The following NOD1 variants were observed in gnomAD, a reference collection of about 807,000 sequenced individuals.
NOD1 encodes nucleotide-binding oligomerization domain-containing protein 1.
In NOD1, 70 loss-of-function variants were observed where a neutral mutation model predicts 81.2. The ratio of observed to expected loss-of-function variants is 0.86; its 90% CI spans 0.71 to 1.05. The LOEUF (loss-of-function observed/expected upper bound fraction) is 1.05. Ranked by LOEUF, NOD1 falls within the 50% of genes least tolerant of loss-of-function variation. NOD1 has a pLI of 0.00. For missense variants in NOD1, 1,233 were observed against 1,228.0 expected (o/e 1.00, Z -0.06); for synonymous variants, 508 against 526.9 (o/e 0.96, Z 0.49).
At chr7:30,439,234 A>C (rs1202176605) in intron 9 of NOD1, among the ~76,000 whole-genome samples, 5 of 151,154 alleles carry the variant, frequency 3.3e-5, no homozygotes, top group African/African-American at 1.2e-4. Context: ...TATATACCCA[A>C]AAGAATTGGA....
At chr7:30,477,363 C>G (rs1246842838) in intron 1 of NOD1, among the ~76,000 whole-genome samples, 1 of 152,232 alleles carries the variant, frequency 6.6e-6, no homozygotes, top group Non-Finnish European at 1.5e-5. Flanking sequence ...TGGGTGAGAA[C>G]AGGGAATCCA....
intron 11 of NOD1, 150 bp downstream of exon 11, chr7:30,435,848 C>T: frequency 3.2e-6 from 2 of 626,058 alleles, no homozygotes; most frequent in East Asian, 5.5e-5. Flanking sequence ...AGTCTCAGGA[C>T]TCGGAAGGCC....
intron 1 of NOD1, among the ~76,000 whole-genome samples, chr7:30,471,104 C>T (rs1028547369): frequency 1.3e-5 from 2 of 148,668 alleles, no homozygotes; most frequent in Admixed American, 6.6e-5. Context: ...TAGCTGAAGA[C>T]GTTTATTAAC....
At chr7:30,475,661 G>A (rs1423171002) in intron 1 of NOD1, among the ~76,000 whole-genome samples, 1 of 152,244 alleles carries the variant, frequency 6.6e-6, no homozygotes. Context: ...GGATGGCGAA[G>A]AGAAGGGCCG....
chr7:30,436,343 C>T (rs1447137075), intron 10 of NOD1, among the ~76,000 whole-genome samples: 1 of 152,216 alleles, frequency 6.6e-6, no homozygotes, highest in Non-Finnish European at 1.5e-5. Flanking sequence ...CTGGGGTCGG[C>T]ACCTCAGGTT....
At position 30,452,824 on chromosome 7, in the gene NOD1, A is replaced by G; in HGVS notation, c.593T>C (p.Ile198Thr). The G allele has an allele frequency of 3.7e-6, 6 of 1,614,046 alleles. No individual in the cohort carries two copies. The highest frequency in any genetic ancestry group is 5.1e-6 in the Non-Finnish European group (6 of 1,179,928). ...TGILNEQGET[I>T]FILGDAGVGK... The stretch of plus-strand genomic sequence containing the variant: ...CACCCCAGCATCACCCAGGATGAAG[A>G]TGGTCTCACCCTGCTCATTGAGGAT... Residue 198 changes from isoleucine (I) to threonine (T), a missense_variant, in exon 6 of 14, where the codon ATC (isoleucine) becomes ACC (threonine). Physicochemically the swap from Ile to Thr is moderately conservative, Grantham distance 89 (BLOSUM62 -1). Transcript: ENST00000222823.
intron 11 of NOD1, among the ~76,000 whole-genome samples, chr7:30,433,599 GC>G (rs1784137119): frequency 6.6e-6 from 1 of 152,164 alleles, no homozygotes. Context: ...GTCACTGACT[GC>G]ACATTAAAAT....
chr7:30,473,140 T>A (rs139805377), intron 1 of NOD1, among the ~76,000 whole-genome samples: 1 of 152,246 alleles, frequency 6.6e-6, no homozygotes, highest in African/African-American at 2.4e-5. Flanking sequence ...TACCTCATTA[T>A]CAGGAATGCT....
At position 30,451,693 on chromosome 7, in the gene NOD1, C is replaced by A; in HGVS notation, c.1724G>T (p.Arg575Leu). The A allele has an allele frequency of 1.2e-6, 2 of 1,613,878 alleles. No homozygotes were observed. Among genetic ancestry groups the A allele is most frequent in the Non-Finnish European group, 1.7e-6 (2 of 1,180,016 alleles). Residue 575 changes from arginine to leucine, a missense_variant, in exon 6 of 14, where the codon CGG becomes CTG. Transcript: ENST00000222823. This position sits in a 1 kb window ranked among gnomAD's most constrained non-coding sequence, Gnocchi z 4.2. ...ATCCTTGTTCTTGAAGAGGTCTTCC[C>A]GCGCCGGACCACTGCCCTGCAGGCA... ...FQCLQGSGPAREDLFKNKDHF... is the reference protein window; with the variant it reads ...FQCLQGSGPALEDLFKNKDHF...
intron 11 of NOD1, among the ~76,000 whole-genome samples, chr7:30,435,717 G>C (rs1784322961): frequency 6.6e-6 from 1 of 152,142 alleles, no homozygotes; most frequent in Non-Finnish European, 1.5e-5. Flanking sequence ...CCAGGGCTTT[G>C]AGAAGCCAGG....
At chr7:30,446,482 C>G (rs1398017289) in intron 8 of NOD1, 2 of 510,300 alleles carry the variant, frequency 3.9e-6, no homozygotes, top group Non-Finnish European at 7.1e-6. Context: ...CCCTGGGGTC[C>G]TCTAATTGAC....
In NOD1 at chr7:30,424,561, C is replaced by G. The variant is rs1473333148; in HGVS notation, c.*1077G>C. 6.6e-6 allele frequency: 1 copy of G among 152,132 alleles called. No homozygotes were observed. Among genetic ancestry groups the G allele is most frequent in the Non-Finnish European group, 1.5e-5 (1 of 68,032 alleles). The allele number at this position is 152,132 out of a possible 1,614,324, so 9.4% of individuals were successfully genotyped here. A position where few individuals can be genotyped will look rare whatever the true frequency, so the allele number is the denominator to read the frequency against. On this transcript the variant is annotated 3_prime_UTR_variant, in exon 14 of 14. Coordinates refer to ENST00000222823, the MANE Select transcript of NOD1 (RefSeq NM_006092.4). ...TTTCAGTATTTTATTAACAAATGAG[C>G]TGGCAAGAGGACAAGTGATCTAGTA...
intron 3 of NOD1, among the ~76,000 whole-genome samples, chr7:30,457,632 G>GA (rs1786521781): frequency 6.6e-6 from 1 of 152,140 alleles, no homozygotes; most frequent in Non-Finnish European, 1.5e-5. Context: ...CTGGGATAGA[G>GA]ATGGAAAGGT....
chr7:30,426,541 T>C (rs751689690), intron 13 of NOD1, among the ~76,000 whole-genome samples: 24 of 152,066 alleles, frequency 1.6e-4, no homozygotes, highest in Non-Finnish European at 1.0e-4. Context: ...ACTCTGGCCT[T>C]CTCCAATTCA....
intron 11 of NOD1, among the ~76,000 whole-genome samples, chr7:30,434,687 C>G (rs182393191): frequency 6.6e-6 from 1 of 152,316 alleles, no homozygotes; most frequent in Non-Finnish European, 1.5e-5. Flanking sequence ...GAGGTACTTT[C>G]ATGTCCTCCT....
rs769545306 is a variant in NOD1 at position 30,451,275 on chromosome 7, ATTG to A, written c.2139_2141del (p.Asn714del). On this transcript the variant is annotated inframe_deletion, in exon 6 of 14. Transcript: ENST00000222823. The surrounding 1 kb of genome is among the most constrained non-coding windows in gnomAD (Gnocchi z 4.2). ...GCTCCCGCACGCCGTAGTCGTTGAG[ATTG>A]TTGTTGTCTAGGTCTAGGGCCAGCC... 3 of 1,614,000 alleles carry A rather than the reference ATTG, an allele frequency of 1.9e-6. No homozygotes were observed. The highest frequency in any genetic ancestry group is 2.5e-6 in the Non-Finnish European group (3 of 1,180,030).
chr7:30,474,594 G>C (rs1249370938), intron 1 of NOD1, among the ~76,000 whole-genome samples: 12 of 152,236 alleles, frequency 7.9e-5, no homozygotes, highest in Non-Finnish European at 2.9e-5. Context: ...TCACCATAGG[G>C]TTCCCCTCGC....
chr7:30,445,532 G>A (rs565128428), intron 9 of NOD1, among the ~76,000 whole-genome samples: 2 of 151,942 alleles, frequency 1.3e-5, no homozygotes, highest in Admixed American at 1.3e-4. Flanking sequence ...ACCGAGGTGG[G>A]TGGATCATTT....
At chr7:30,453,578 C>T (rs908654476) in intron 5 of NOD1, among the ~76,000 whole-genome samples, 3 of 152,128 alleles carry the variant, frequency 2.0e-5, no homozygotes, top group Non-Finnish European at 2.9e-5. Context: ...GCCACCAAGC[C>T]CAACTAATTT....
Sources: allele counts gnomAD v4.1 joint callset (sites outside exome capture counted in the v4.1 genomes callset), GRCh38; gene constraint gnomAD v4.1.1; non-coding constraint Gnocchi (gnomAD v3.1); transcripts MANE v1.5; gene names NCBI Gene and HGNC (gene_info 2026-07-23, HGNC 2026-07-21).